Variants in EIF5AL1 observed in about 807,000 individuals in gnomAD.
EIF5AL1 encodes eukaryotic translation initiation factor 5A like 1, also known as eukaryotic translation initiation factor 5A-1-like.
EIF5AL1 carries 4 observed loss-of-function variants against 9.0 expected under a neutral mutation model. The ratio of observed to expected loss-of-function variants is 0.45; its 90% confidence interval spans 0.22 to 1.02. EIF5AL1 has a LOEUF of 1.02. EIF5AL1 is among the 50% of genes least tolerant of loss of function. The pLI is 0.24. For missense variants in EIF5AL1, 58 were observed against 194.1 expected, an observed-to-expected ratio of 0.30 and a Z score of 4.17; for synonymous variants, 40 against 75.7, an observed-to-expected ratio of 0.53 and a Z score of 2.45.
In EIF5AL1 at chr10:79,512,592, C is replaced by T. The variant is rs1475600070; in HGVS notation, c.-58C>T. The T allele has an allele frequency of 2.9e-6, 3 of 1,018,884 alleles. No individual in the cohort carries two copies. The highest frequency in any genetic ancestry group is 4.3e-6 in the Non-Finnish European group (3 of 702,166). The allele number at this position is 1,018,884 out of a possible 1,614,324, so 63.1% of individuals were successfully genotyped here. A position where few individuals can be genotyped will look rare whatever the true frequency, so the allele number is the denominator to read the frequency against. ...TCGGAGGCAGCGGTTGGGCTCGCGG[C>T]GAGCGGACGGGGTCGAGTCAGTGCC... On this transcript the variant is annotated 5_prime_UTR_variant, in exon 1 of 1. Coordinates refer to ENST00000520547, the MANE Select transcript of EIF5AL1 (RefSeq NM_001099692.2).
At position 79,514,099 on chromosome 10, in the gene EIF5AL1, G is replaced by A. The variant is rs1177772721; in HGVS notation, c.*985G>A. On this transcript the variant is annotated 3_prime_UTR_variant, in exon 1 of 1. Transcript: ENST00000520547. ...TGCTCTGGAGTAGACATGAGTGCGT[G>A]TGAAGCTTCTGATCTCCCATGAGAG... The A allele has an allele frequency of 6.0e-6, 1 of 167,060 alleles. No homozygotes were observed. The allele number at this position is 167,060 out of a possible 1,614,324, so 10.3% of individuals were successfully genotyped here.
In EIF5AL1 at chr10:79,516,222, A is replaced by G. The variant is rs1858231099; in HGVS notation, c.*3108A>G. On this transcript the variant is annotated 3_prime_UTR_variant, in exon 1 of 1. Transcript: ENST00000520547. ...AGCTCAACTGAACTTTTCTTAATGGAATATTTAAAAAGTGGTACATTAAAA... is the reference window on the plus strand; with the variant it reads ...AGCTCAACTGAACTTTTCTTAATGGGATATTTAAAAAGTGGTACATTAAAA... 2 of 167,100 alleles carry G rather than the reference A, an allele frequency of 1.2e-5. No homozygotes were observed. The highest frequency in any genetic ancestry group is 2.9e-5 in the Non-Finnish European group (2 of 68,118). 10.4% of individuals were successfully genotyped at this position (167,100 alleles called of 1,614,324 possible).
chr10:79,512,590 G>C lies in EIF5AL1; in HGVS notation c.-60G>C. 2 of 1,028,122 alleles carry C rather than the reference G, an allele frequency of 1.9e-6. No individual in the cohort carries two copies. The highest frequency in any genetic ancestry group is 1.5e-5 in the South Asian group (1 of 64,776). The allele number at this position is 1,028,122 out of a possible 1,614,324, so 63.7% of individuals were successfully genotyped here. A position where few individuals can be genotyped will look rare whatever the true frequency, so the allele number is the denominator to read the frequency against. On this transcript the variant is annotated 5_prime_UTR_variant, in exon 1 of 1. Transcript: ENST00000520547. Reference sequence around the variant, plus strand: ...GCTCGGAGGCAGCGGTTGGGCTCGCGGCGAGCGGACGGGGTCGAGTCAGTG... The same window carrying C: ...GCTCGGAGGCAGCGGTTGGGCTCGCCGCGAGCGGACGGGGTCGAGTCAGTG...
chr10:79,514,374 T>C lies in EIF5AL1; in HGVS notation c.*1260T>C, dbSNP rs1411005445. 6.0e-6 allele frequency: 1 copy of C among 167,078 alleles called. No individual in the cohort carries two copies. Among genetic ancestry groups the C allele is most frequent in the Non-Finnish European group, 1.5e-5 (1 of 68,134 alleles). 10.3% of individuals were successfully genotyped at this position (167,078 alleles called of 1,614,324 possible). ...GAAAACAAGTAGACTGAGGGTCTGC[T>C]AGTGAAGGTGACCCCTACTGAAGTC... On this transcript the variant is annotated 3_prime_UTR_variant, in exon 1 of 1. Coordinates refer to ENST00000520547, the MANE Select transcript of EIF5AL1 (RefSeq NM_001099692.2).
At position 79,515,466 on chromosome 10, in the gene EIF5AL1, T is replaced by C. The variant is rs1279981296; in HGVS notation, c.*2352T>C. 2 of 168,318 alleles carry C rather than the reference T, an allele frequency of 1.2e-5. No individual in the cohort carries two copies. The highest frequency in any genetic ancestry group is 2.4e-5 in the African/African-American group (1 of 41,474). The allele number at this position is 168,318 out of a possible 1,614,324, so 10.4% of individuals were successfully genotyped here. On this transcript the variant is annotated 3_prime_UTR_variant, in exon 1 of 1. Coordinates refer to ENST00000520547, the MANE Select transcript of EIF5AL1 (RefSeq NM_001099692.2). ...GGTTAAGATGGTAATTATCACGTTATACATTTTTTACCGCAGGTTAAAATG... is the reference window on the plus strand; with the variant it reads ...GGTTAAGATGGTAATTATCACGTTACACATTTTTTACCGCAGGTTAAAATG...
rs1858226965 is a variant in EIF5AL1 at position 79,516,003 on chromosome 10, T to A, written c.*2889T>A. The stretch of plus-strand genomic sequence containing the variant: ...CATGCGCCCTACAGCTACCGCTAGA[T>A]TTTATGGGGAAAGCAGCTGGCCCAG... On this transcript the variant is annotated 3_prime_UTR_variant, in exon 1 of 1. Coordinates refer to ENST00000520547, the MANE Select transcript of EIF5AL1 (RefSeq NM_001099692.2). 1 of 166,998 alleles carries A rather than the reference T, an allele frequency of 6.0e-6. No individual in the cohort carries two copies. The highest frequency in any genetic ancestry group is 2.1e-4 in the South Asian group (1 of 4,814). The allele number at this position is 166,998 out of a possible 1,614,324, so 10.3% of individuals were successfully genotyped here. A position where few individuals can be genotyped will look rare whatever the true frequency, so the allele number is the denominator to read the frequency against.
Position 79,516,241 on chromosome 10 carries a change from A to G in EIF5AL1, c.*3127A>G, listed in dbSNP as rs1438804376. 2 of 167,120 alleles carry G rather than the reference A, an allele frequency of 1.2e-5. No homozygotes were observed. The highest frequency in any genetic ancestry group is 2.9e-5 in the Non-Finnish European group (2 of 68,122). 10.4% of individuals were successfully genotyped at this position (167,120 alleles called of 1,614,324 possible). A position where few individuals can be genotyped will look rare whatever the true frequency, so the allele number is the denominator to read the frequency against. On this transcript the variant is annotated 3_prime_UTR_variant, in exon 1 of 1. Coordinates refer to ENST00000520547, the MANE Select transcript of EIF5AL1 (RefSeq NM_001099692.2). ...TAATGGAATATTTAAAAAGTGGTAC[A>G]TTAAAAAACTTCCCCCAGTTCACAT...
chr10:79,515,297 A>G lies in EIF5AL1; in HGVS notation c.*2183A>G, dbSNP rs546859493. ...ATACCTTCCTGTCTATGGCTATTGG[A>G]CCTGCAGGCTTTCCCCTGTAAATCC... On this transcript the variant is annotated 3_prime_UTR_variant, in exon 1 of 1. Coordinates refer to ENST00000520547, the MANE Select transcript of EIF5AL1 (RefSeq NM_001099692.2). 685 of 260,892 alleles carry G rather than the reference A, an allele frequency of 2.6e-3. 3 individuals carry two copies. The highest frequency in any genetic ancestry group is 2.7e-3 in the Non-Finnish European group (331 of 124,000). 16.2% of individuals were successfully genotyped at this position (260,892 alleles called of 1,614,324 possible).
In EIF5AL1 at chr10:79,515,796, C is replaced by T. The variant is rs1392410369; in HGVS notation, c.*2682C>T. On this transcript the variant is annotated 3_prime_UTR_variant, in exon 1 of 1. Transcript: ENST00000520547. ...CTAATATGCAATGCAAATCCTGTTG[C>T]AGATGTACGTCATATACCTCTGAAA... 1 of 166,978 alleles carries T rather than the reference C, an allele frequency of 6.0e-6. No homozygotes were observed. The highest frequency in any genetic ancestry group is 1.5e-5 in the Non-Finnish European group (1 of 68,142). 10.3% of individuals were successfully genotyped at this position (166,978 alleles called of 1,614,324 possible). A position where few individuals can be genotyped will look rare whatever the true frequency, so the allele number is the denominator to read the frequency against.
rs2260797 is a variant in EIF5AL1, at chr10:79,514,097, G to T, written c.*983G>T. 6.1e-6 allele frequency: 1 copy of T among 163,584 alleles called. No individual in the cohort carries two copies. The highest frequency in any genetic ancestry group is 1.5e-5 in the Non-Finnish European group (1 of 67,792). The allele number at this position is 163,584 out of a possible 1,614,324, so 10.1% of individuals were successfully genotyped here. ...TCTGCTCTGGAGTAGACATGAGTGC[G>T]TGTGAAGCTTCTGATCTCCCATGAG... On this transcript the variant is annotated 3_prime_UTR_variant, in exon 1 of 1. Coordinates refer to ENST00000520547, the MANE Select transcript of EIF5AL1 (RefSeq NM_001099692.2).
At position 79,514,436 on chromosome 10, in the gene EIF5AL1, C is replaced by T. The variant is rs1318307054; in HGVS notation, c.*1322C>T. Reference sequence around the variant, plus strand: ...GTTGGGACCCAGAAGAGTCACACGCCAGGAATAGAGGTGGACAGGAAACAC... The same window carrying T: ...GTTGGGACCCAGAAGAGTCACACGCTAGGAATAGAGGTGGACAGGAAACAC... On this transcript the variant is annotated 3_prime_UTR_variant, in exon 1 of 1. Transcript: ENST00000520547. 6.0e-6 allele frequency: 1 copy of T among 166,886 alleles called. No homozygotes were observed. Among genetic ancestry groups the T allele is most frequent in the African/African-American group, 2.4e-5 (1 of 41,374 alleles). 10.3% of individuals were successfully genotyped at this position (166,886 alleles called of 1,614,324 possible).
At position 79,513,467 on chromosome 10, in the gene EIF5AL1, ATGG is replaced by A. The variant is rs1052977692; in HGVS notation, c.*355_*357del. Reference sequence around the variant, plus strand: ...ATCAGAAAGCGGTGGATTCTGGCAAATGGTCCTTGTGCCCTCCCCACTCATCCT... The same window carrying A: ...ATCAGAAAGCGGTGGATTCTGGCAAATCCTTGTGCCCTCCCCACTCATCCT... On this transcript the variant is annotated 3_prime_UTR_variant, in exon 1 of 1. Transcript: ENST00000520547. 1.7e-5 allele frequency: 6 copies of A among 357,900 alleles called. No individual in the cohort carries two copies. The highest frequency in any genetic ancestry group is 1.3e-4 in the African/African-American group (6 of 47,082). 22.2% of individuals were successfully genotyped at this position (357,900 alleles called of 1,614,324 possible).
In EIF5AL1 at chr10:79,512,548, G is replaced by A. The variant is rs544030451; in HGVS notation, c.-102G>A. 2,307 of 1,040,622 alleles carry A rather than the reference G, an allele frequency of 2.2e-3. 83 individuals are homozygous for A. In the African/African-American group the frequency reaches 0.025, roughly 11 times the overall value. 64.5% of individuals were successfully genotyped at this position (1,040,622 alleles called of 1,614,324 possible). A position where few individuals can be genotyped will look rare whatever the true frequency, so the allele number is the denominator to read the frequency against. ...AAAATGCCTGGGTAGAGGCGGCGGC[G>A]GCGGCGGCGGCGGCGGGCTCGGAGG... On this transcript the variant is annotated 5_prime_UTR_variant, in exon 1 of 1. Transcript: ENST00000520547.
In EIF5AL1 at chr10:79,515,550, C is replaced by T. The variant is rs1249451594; in HGVS notation, c.*2436C>T. 1.2e-5 allele frequency: 2 copies of T among 167,376 alleles called. No individual in the cohort carries two copies. Among genetic ancestry groups the T allele is most frequent in the Admixed American group, 6.5e-5 (1 of 15,348 alleles). The allele number at this position is 167,376 out of a possible 1,614,324, so 10.4% of individuals were successfully genotyped here. ...GTTCTCTGAGTTCAAGAATTTGTAA[C>T]ATTTCACCCCCTGCTCCTTCCTGAT... On this transcript the variant is annotated 3_prime_UTR_variant, in exon 1 of 1. Transcript: ENST00000520547.
At position 79,513,180 on chromosome 10, in the gene EIF5AL1, G is replaced by A. The variant is rs1858178380; in HGVS notation, c.*66G>A. 1 of 1,560,614 alleles carries A rather than the reference G, an allele frequency of 6.4e-7. No homozygotes were observed. The highest frequency in any genetic ancestry group is 1.4e-5 in the African/African-American group (1 of 73,690). ...GAACCTGCAGAGGCCCCCTCCCCCA[G>A]CCTGGCCTGGCTCTGGCCTGGTCCT... On this transcript the variant is annotated 3_prime_UTR_variant, in exon 1 of 1. Coordinates refer to ENST00000520547, the MANE Select transcript of EIF5AL1 (RefSeq NM_001099692.2).
At position 79,514,964 on chromosome 10, in the gene EIF5AL1, A is replaced by G. The variant is rs1477905604; in HGVS notation, c.*1850A>G. The G allele has an allele frequency of 5.3e-6, 1 of 190,024 alleles. No homozygotes were observed. Among genetic ancestry groups the G allele is most frequent in the Non-Finnish European group, 1.2e-5 (1 of 83,298 alleles). The allele number at this position is 190,024 out of a possible 1,614,324, so 11.8% of individuals were successfully genotyped here. On this transcript the variant is annotated 3_prime_UTR_variant, in exon 1 of 1. Transcript: ENST00000520547. ...CATACAACAGTGTTTGTGTCAGTGA[A>G]CATCTTACTCTTCCTCGGCAGTCTT...
chr10:79,515,997 G>A lies in EIF5AL1; in HGVS notation c.*2883G>A, dbSNP rs371282767. ...CAACCGCATGCGCCCTACAGCTACC[G>A]CTAGATTTTATGGGGAAAGCAGCTG... On this transcript the variant is annotated 3_prime_UTR_variant, in exon 1 of 1. Transcript: ENST00000520547. 5 of 167,082 alleles carry A rather than the reference G, an allele frequency of 3.0e-5. No individual in the cohort carries two copies. Among genetic ancestry groups the A allele is most frequent in the African/African-American group, 9.7e-5 (4 of 41,436 alleles). 10.3% of individuals were successfully genotyped at this position (167,082 alleles called of 1,614,324 possible).
At position 79,513,023 on chromosome 10, in the gene EIF5AL1, A is replaced by T; in HGVS notation, c.374A>T (p.Gln125Leu). ...PEGDLGKEIE[Q>L]KYDCGEEILI... ...GGAGACCTTGGCAAGGAGATTGAGC[A>T]GAAGTACGACTGTGGAGAAGAGATC... Residue 125 changes from glutamine to leucine, a missense_variant, in exon 1 of 1, where the codon CAG becomes CTG. By Grantham distance (113) the Gln-to-Leu change is moderately radical (BLOSUM62 -2). Transcript: ENST00000520547. 1 of 1,610,910 alleles carries T rather than the reference A, an allele frequency of 6.2e-7. No homozygotes were observed. The highest frequency in any genetic ancestry group is 8.5e-7 in the Non-Finnish European group (1 of 1,178,380).
At position 79,513,375 on chromosome 10, in the gene EIF5AL1, G is replaced by T. The variant is rs537475188; in HGVS notation, c.*261G>T. 2.3e-4 allele frequency: 131 copies of T among 576,654 alleles called. 3 individuals are homozygous for T. In the East Asian group the frequency reaches 3.2e-3, roughly 14 times the overall value. 35.7% of individuals were successfully genotyped at this position (576,654 alleles called of 1,614,324 possible). A position where few individuals can be genotyped will look rare whatever the true frequency, so the allele number is the denominator to read the frequency against. On this transcript the variant is annotated 3_prime_UTR_variant, in exon 1 of 1. Transcript: ENST00000520547. ...CTTCTCCCCTCACACTACAGCCCTGGTGGGGGAGAAGGGGGTGGGTGCTGC... is the reference window on the plus strand; with the variant it reads ...CTTCTCCCCTCACACTACAGCCCTGTTGGGGGAGAAGGGGGTGGGTGCTGC...
Sources: allele counts gnomAD v4.1 joint callset, GRCh38; gene constraint gnomAD v4.1.1; transcripts MANE v1.5; gene names NCBI Gene and HGNC (gene_info 2026-07-23, HGNC 2026-07-21).